Variants in TMEM132D observed in about 807,000 individuals in gnomAD.
TMEM132D encodes the protein transmembrane protein 132D, also known as mature OL transmembrane protein.
TMEM132D carries 21 observed loss-of-function variants against 62.3 expected under a neutral mutation model. The ratio of observed to expected loss-of-function variants is 0.34; its 90% confidence interval spans 0.24 to 0.49. The LOEUF (loss-of-function observed/expected upper bound fraction) is 0.49. Among genes scored for constraint, TMEM132D ranks in the 20% least tolerant of loss-of-function variants. The probability of loss-of-function intolerance (pLI) is 0.99; values close to 1 mark genes in which losing one functional copy is unlikely to be tolerated. For missense variants in TMEM132D, 1,346 were observed against 1,402.8 expected (o/e 0.96, Z 0.65); for synonymous variants, 621 against 575.6 (o/e 1.08, Z -1.13).
chr12:129,744,478 G>C (rs1869710799), intron 1 of TMEM132D, among the ~76,000 whole-genome samples: 1 of 152,104 alleles, frequency 6.6e-6, no homozygotes, highest in African/African-American at 2.4e-5. Context: ...ATGCCTGTAG[G>C]TAATTATAAA....
At chr12:129,653,602 G>A (rs940560781) in intron 2 of TMEM132D, among the ~76,000 whole-genome samples, 2 of 152,162 alleles carry the variant, frequency 1.3e-5, no homozygotes, top group Non-Finnish European at 2.9e-5. Flanking sequence ...TCTCCACGAC[G>A]CCACCAATGG....
chr12:129,781,150 G>C (rs1469895752), intron 1 of TMEM132D, among the ~76,000 whole-genome samples: 1 of 152,172 alleles, frequency 6.6e-6, no homozygotes, highest in East Asian at 1.9e-4. Flanking sequence ...TTGGTTTTAA[G>C]TCTCTTAATG....
chr12:129,082,081 G>A (rs760924634), intron 6 of TMEM132D, 49 bp from the exon 7 acceptor site: 39 of 1,549,526 alleles, frequency 2.5e-5, no homozygotes, highest in Admixed American at 1.3e-4. Flanking sequence ...TTGGTCCTCT[G>A]TAAGGGGCCG....
chr12:129,207,285 T>C (rs796334695), intron 5 of TMEM132D, among the ~76,000 whole-genome samples: 1 of 150,654 alleles, frequency 6.6e-6, no homozygotes, highest in African/African-American at 2.4e-5. Context: ...TAGATTCCAA[T>C]GAGGACAGTC....
At chr12:129,243,118 G>A (rs1377284172) in intron 4 of TMEM132D, among the ~76,000 whole-genome samples, 1 of 152,228 alleles carries the variant, frequency 6.6e-6, no homozygotes, top group Non-Finnish European at 1.5e-5. Flanking sequence ...AAACACGTAT[G>A]TGTACACACA....
chr12:129,737,802 T>A (rs1226452142), intron 1 of TMEM132D, among the ~76,000 whole-genome samples: 1 of 152,230 alleles, frequency 6.6e-6, no homozygotes, highest in African/African-American at 2.4e-5. Flanking sequence ...AAAGTTAACA[T>A]TCAAAATACT....
intron 5 of TMEM132D, among the ~76,000 whole-genome samples, chr12:129,143,032 C>A (rs1011103544): frequency 5.9e-5 from 9 of 152,046 alleles, no homozygotes; most frequent in African/African-American, 2.2e-4. Flanking sequence ...ACCCCCCAAG[C>A]AGCAGACACC....
chr12:129,179,540 A>T (rs1832921835), intron 5 of TMEM132D, among the ~76,000 whole-genome samples: 1 of 152,076 alleles, frequency 6.6e-6, no homozygotes, highest in Non-Finnish European at 1.5e-5. Flanking sequence ...CTTTTATTCC[A>T]CTAAGGCTGG....
At chr12:129,768,694 G>A (rs1311022168) in intron 1 of TMEM132D, among the ~76,000 whole-genome samples, 1 of 152,104 alleles carries the variant, frequency 6.6e-6, no homozygotes, top group Non-Finnish European at 1.5e-5. Context: ...GGACAGTGCT[G>A]GGGAGCCTGA....
At chr12:129,257,084 G>A (rs532521093) in intron 4 of TMEM132D, among the ~76,000 whole-genome samples, 1 of 152,224 alleles carries the variant, frequency 6.6e-6, no homozygotes, top group Non-Finnish European at 1.5e-5. Context: ...TGTCTGAGAA[G>A]AAGGGTGTCT....
intron 1 of TMEM132D, among the ~76,000 whole-genome samples, chr12:129,859,172 A>C (rs1328026199): frequency 6.6e-6 from 1 of 152,200 alleles, no homozygotes; most frequent in East Asian, 1.9e-4. Context: ...ACCAGAAACC[A>C]GGTTCCCAGC....
At chr12:129,564,775 T>C (rs1251290287) in intron 2 of TMEM132D, among the ~76,000 whole-genome samples, 2 of 152,226 alleles carry the variant, frequency 1.3e-5, no homozygotes, top group East Asian at 3.9e-4. Flanking sequence ...AAGATGTTTT[T>C]CACATTTGTC....
At chr12:129,462,844 T>C (rs4759576) in intron 3 of TMEM132D, among the ~76,000 whole-genome samples, 147,606 of 152,296 alleles carry the variant, frequency 0.97, 71,711 homozygotes, top group East Asian at 1. Flanking sequence ...TCCAAGCCTT[T>C]CAAGTAATAA....
At chr12:129,740,291 A>G (rs1186534350) in intron 1 of TMEM132D, among the ~76,000 whole-genome samples, 1 of 152,212 alleles carries the variant, frequency 6.6e-6, no homozygotes, top group Non-Finnish European at 1.5e-5. Flanking sequence ...TTCATGGTTC[A>G]AGACTTGAAG....
chr12:129,419,528 G>C (rs947144019), intron 3 of TMEM132D, among the ~76,000 whole-genome samples: 18 of 152,108 alleles, frequency 1.2e-4, no homozygotes, highest in Non-Finnish European at 2.4e-4. Context: ...AGGAGAGAGA[G>C]AGAGAGACTG....
chr12:129,470,943 A>G (rs899936410), intron 3 of TMEM132D, among the ~76,000 whole-genome samples: 1 of 152,196 alleles, frequency 6.6e-6, no homozygotes, highest in African/African-American at 2.4e-5. Context: ...AGAAGAGAGT[A>G]GAGATGACAT....
chr12:129,398,865 T>C (rs538680690), intron 3 of TMEM132D, among the ~76,000 whole-genome samples: 9 of 130,442 alleles, frequency 6.9e-5, no homozygotes, highest in African/African-American at 3.7e-4. Context: ...CATCCATCCA[T>C]CCATCCATCC....
intron 2 of TMEM132D, among the ~76,000 whole-genome samples, chr12:129,598,068 AAAACTAC>A (rs1160449452): frequency 2.0e-5 from 3 of 152,190 alleles, no homozygotes; most frequent in African/African-American, 7.2e-5. Context: ...ACAACAACAA[AAAACTAC>A]AAAGGAATTC....
intron 5 of TMEM132D, among the ~76,000 whole-genome samples, chr12:129,105,239 T>C (rs1053407354): frequency 1.4e-5 from 2 of 143,168 alleles, no homozygotes; most frequent in Non-Finnish European, 3.0e-5. Context: ...TCATGTCCTT[T>C]GTAGGGACAT....
Sources: gnomAD v4.1 joint callset for allele counts (sites outside exome capture counted in the v4.1 genomes callset) on GRCh38, gnomAD v4.1.1 for gene constraint, MANE v1.5 for transcripts, NCBI Gene and HGNC (gene_info 2026-07-23, HGNC 2026-07-21) for gene names.